The following KCTD8 variants were observed in gnomAD, a reference collection of about 807,000 sequenced individuals.
The protein encoded by KCTD8 is BTB/POZ domain-containing protein KCTD8.
Under a neutral mutation model 31.5 loss-of-function variants are expected in KCTD8, and 27 were observed. The observed-to-expected ratio is 0.86, with a 90% CI of 0.63 to 1.18. The LOEUF is 1.18. KCTD8 is among the 50% of genes most tolerant of loss of function. KCTD8 has a pLI of 0.00. For synonymous variants in KCTD8, 290 were observed against 280.0 expected (o/e 1.04, Z -0.36); for missense variants, 658 against 647.7 (o/e 1.02, Z -0.17).
chr4:44,382,579 A>G (rs1720097413), intron 1 of KCTD8, among the ~76,000 whole-genome samples: 2 of 151,938 alleles, frequency 1.3e-5, no homozygotes, highest in Non-Finnish European at 2.9e-5. Context: ...ATACAAAAAA[A>G]ATTACCCGGG....
chr4:44,223,855 A>G (rs1255193652), intron 1 of KCTD8, among the ~76,000 whole-genome samples: 1 of 152,170 alleles, frequency 6.6e-6, no homozygotes, highest in African/African-American at 2.4e-5. Context: ...TGTTTATTTA[A>G]TTACATATGG....
intron 1 of KCTD8, among the ~76,000 whole-genome samples, chr4:44,268,921 C>T (rs540676484): frequency 6.6e-6 from 1 of 152,306 alleles, no homozygotes; most frequent in African/African-American, 2.4e-5. Context: ...ACATTCCATG[C>T]TCATGGGTAG....
intron 1 of KCTD8, among the ~76,000 whole-genome samples, chr4:44,318,479 C>T (rs752545537): frequency 1.3e-4 from 20 of 151,968 alleles, no homozygotes; most frequent in Non-Finnish European, 2.6e-4. Flanking sequence ...TCATCTGGAA[C>T]GTGAAACTTA....
chr4:44,445,916 G>A lies in KCTD8; in HGVS notation c.961+1647C>T, dbSNP rs192270462. On this transcript the variant is annotated intron_variant, in intron 1 of 1. Transcript: ENST00000360029. Reference sequence around the variant, plus strand: ...ACTTAATTACTCAATATATATTTAAGAGATGTCAATTTTATACAAGCAATA... The same window carrying A: ...ACTTAATTACTCAATATATATTTAAAAGATGTCAATTTTATACAAGCAATA... Among the ~76,000 whole-genome samples the A allele has an allele frequency of 2.4e-3, 372 of 152,310 alleles. 2 individuals carry two copies. The highest frequency in any genetic ancestry group is 8.2e-3 in the African/African-American group (341 of 41,566).
chr4:44,444,189 A>G (rs565018756), intron 1 of KCTD8, among the ~76,000 whole-genome samples: 2 of 152,340 alleles, frequency 1.3e-5, no homozygotes, highest in African/African-American at 4.8e-5. Flanking sequence ...TTAAGGAGAT[A>G]TGAATCTAGC....
chr4:44,388,148 A>G (rs544043594), intron 1 of KCTD8, among the ~76,000 whole-genome samples: 3 of 152,208 alleles, frequency 2.0e-5, no homozygotes, highest in Middle Eastern at 3.4e-3. Flanking sequence ...AATCAAAACC[A>G]TAATGGAGTA....
Position 44,396,204 on chromosome 4 carries a change from A to ATGAGACTCTAATGCAGCC in KCTD8, c.961+51341_961+51358dup, listed in dbSNP as rs1355524817. ...AGTTCACAATAGGGTTTGCACTCCT[A>ATGAGACTCTAATGCAGCC]TGAGACTCTAATGCAGCCACTGATC... On this transcript the variant is annotated intron_variant, in intron 1 of 1. Transcript: ENST00000360029. Among the ~76,000 whole-genome samples the ATGAGACTCTAATGCAGCC allele has an allele frequency of 2.0e-5, 3 of 152,176 alleles. No individual in the cohort carries two copies. In the East Asian group the frequency reaches 5.9e-4, roughly 30 times the overall value.
intron 1 of KCTD8, among the ~76,000 whole-genome samples, chr4:44,370,215 C>T (rs1218810142): frequency 1.3e-5 from 2 of 152,030 alleles, no homozygotes; most frequent in Non-Finnish European, 2.9e-5. Flanking sequence ...GGGTTACTTC[C>T]TGAACTCAAG....
intron 1 of KCTD8, among the ~76,000 whole-genome samples, chr4:44,446,937 C>G (rs952626302): frequency 6.6e-6 from 1 of 152,216 alleles, no homozygotes; most frequent in African/African-American, 2.4e-5. Flanking sequence ...GGGTTTCCAT[C>G]TGTCAAGGAG....
At chr4:44,409,917 A>C (rs977095015) in intron 1 of KCTD8, among the ~76,000 whole-genome samples, 1 of 152,082 alleles carries the variant, frequency 6.6e-6, no homozygotes, top group African/African-American at 2.4e-5. Context: ...AAAAAGATTC[A>C]AAGTACAGCA....
chr4:44,441,452 T>A (rs911435745), intron 1 of KCTD8, among the ~76,000 whole-genome samples: 3 of 152,158 alleles, frequency 2.0e-5, no homozygotes, highest in Non-Finnish European at 4.4e-5. Context: ...CTATGGAAAT[T>A]TAACATAAAT....
At chr4:44,300,081 C>T (rs1385535155) in intron 1 of KCTD8, among the ~76,000 whole-genome samples, 1 of 152,034 alleles carries the variant, frequency 6.6e-6, no homozygotes, top group Non-Finnish European at 1.5e-5. Flanking sequence ...TAACCTGACT[C>T]TTGACTATTT....
At chr4:44,297,424 A>G (rs1180126566) in intron 1 of KCTD8, among the ~76,000 whole-genome samples, 1 of 152,078 alleles carries the variant, frequency 6.6e-6, no homozygotes, top group Non-Finnish European at 1.5e-5. Context: ...AGATATCTAC[A>G]TTTAACATAG....
intron 1 of KCTD8, among the ~76,000 whole-genome samples, chr4:44,443,066 C>T (rs1560456134): frequency 6.6e-6 from 1 of 152,148 alleles, no homozygotes; most frequent in Non-Finnish European, 1.5e-5. Flanking sequence ...AGATTTTTGT[C>T]ATTTTGTCTG....
intron 1 of KCTD8, among the ~76,000 whole-genome samples, chr4:44,223,035 T>C (rs963702964): frequency 6.6e-6 from 1 of 152,136 alleles, no homozygotes; most frequent in South Asian, 2.1e-4. Context: ...CTTCATTATG[T>C]AGAGAATGCA....
At chr4:44,277,359 CT>C (rs1241594887) in intron 1 of KCTD8, among the ~76,000 whole-genome samples, 1 of 151,708 alleles carries the variant, frequency 6.6e-6, no homozygotes, top group Non-Finnish European at 1.5e-5. Context: ...TTTGTTTAAT[CT>C]TATTTTTCGC....
rs371718295 is a variant in KCTD8 at position 44,189,445 on chromosome 4, C to A, written c.962-14195G>T. On this transcript the variant is annotated intron_variant, in intron 1 of 1. Transcript: ENST00000360029. ...ATTGGAATAACGAGGTTAATCCCTG[C>A]TTTCAACTAAAGGTCCTTAATATTT... Among the ~76,000 whole-genome samples the A allele has an allele frequency of 1.5e-4, 12 of 79,078 alleles. 1 individual carries two copies. The East Asian group carries it at 2.6e-3, about 17-fold the overall frequency. The allele number at this position is 79,078 out of a possible 152,430, so 51.9% of individuals were successfully genotyped here. A position where few individuals can be genotyped will look rare whatever the true frequency, so the allele number is the denominator to read the frequency against.
At chr4:44,306,199 A>T (rs990543101) in intron 1 of KCTD8, among the ~76,000 whole-genome samples, 18 of 152,040 alleles carry the variant, frequency 1.2e-4, no homozygotes, top group Middle Eastern at 3.2e-3. Flanking sequence ...ATAGAAAATG[A>T]AGACAAAAAC....
intron 1 of KCTD8, among the ~76,000 whole-genome samples, chr4:44,445,412 C>T (rs935875591): frequency 1.3e-5 from 2 of 152,036 alleles, no homozygotes; most frequent in African/African-American, 4.8e-5. Flanking sequence ...GAATGAATTT[C>T]AGAGGTCATT....
Sources: gnomAD v4.1 joint callset for allele counts (sites outside exome capture counted in the v4.1 genomes callset) on GRCh38, gnomAD v4.1.1 for gene constraint, MANE v1.5 for transcripts, NCBI Gene and HGNC (gene_info 2026-07-23, HGNC 2026-07-21) for gene names.